Variants in LRP1 observed in about 807,000 individuals in gnomAD.
The protein encoded by LRP1 is LDL receptor related protein 1.
In LRP1, 51 loss-of-function variants were observed where a neutral mutation model predicts 541.5. The observed-to-expected ratio is 0.09, with a 90% CI of 0.08 to 0.12. LRP1 has a LOEUF of 0.12. Ranked by LOEUF, LRP1 falls within the 10% of genes least tolerant of loss-of-function variation. LRP1 has a pLI of 1.00. For synonymous variants in LRP1, 2,219 were observed against 2,470.8 expected (o/e 0.90, Z 3.02); for missense variants, 3,878 against 6,376.2 (o/e 0.61, Z 13.34).
At chr12:57,129,941 C>T (rs944963318) in intron 1 of LRP1, among the ~76,000 whole-genome samples, 2 of 152,100 alleles carry the variant, frequency 1.3e-5, no homozygotes, top group Admixed American at 1.3e-4. Flanking sequence ...ATTCCCTGCA[C>T]CCCTCCAAGC....
chr12:57,211,025 C>G lies in LRP1; in HGVS notation c.12916+146C>G. ...ATGCAGCTGAGCCAGGCCCAAGCTGCTGGCGCTTCCCCACAAAGGTGCTGG... is the reference window on the plus strand; with the variant it reads ...ATGCAGCTGAGCCAGGCCCAAGCTGGTGGCGCTTCCCCACAAAGGTGCTGG... On this transcript the variant is annotated intron_variant, in intron 83 of 88. Coordinates refer to ENST00000243077, the MANE Select transcript of LRP1 (RefSeq NM_002332.3). This position sits in a 1 kb window ranked among gnomAD's most constrained non-coding sequence, Gnocchi z 4.3. 7.3e-7 allele frequency: 1 copy of G among 1,366,024 alleles called. No homozygotes were observed. The highest frequency in any genetic ancestry group is 1.4e-5 in the African/African-American group (1 of 69,712). The allele number at this position is 1,366,024 out of a possible 1,614,324, so 84.6% of individuals were successfully genotyped here.
At chr12:57,139,945 TA>T (rs1340653455) in intron 2 of LRP1, among the ~76,000 whole-genome samples, 1 of 152,184 alleles carries the variant, frequency 6.6e-6, no homozygotes, top group Admixed American at 6.5e-5. Context: ...ATCAGTTGTG[TA>T]AGCAGACTCC....
rs2136701890 is a variant in LRP1, at chr12:57,178,263, G to A, written c.4362-96G>A. The A allele has an allele frequency of 4.2e-6, 6 of 1,432,206 alleles. No homozygotes were observed. The South Asian group carries it at 6.6e-5, about 16-fold the overall frequency. 88.7% of individuals were successfully genotyped at this position (1,432,206 alleles called of 1,614,324 possible). On this transcript the variant is annotated intron_variant, in intron 26 of 88. Transcript: ENST00000243077. The surrounding 1 kb of genome is among the most constrained non-coding windows in gnomAD (Gnocchi z 5.8). ...AATGGTCCCATGCTCTTCGCTGGGAGGGCTGTGGCCAGGGCCCAGAGGGTG... is the reference window on the plus strand; with the variant it reads ...AATGGTCCCATGCTCTTCGCTGGGAAGGCTGTGGCCAGGGCCCAGAGGGTG...
chr12:57,156,951 T>C lies in LRP1; in HGVS notation c.1561+31T>C, dbSNP rs765663376. 8 of 1,536,398 alleles carry C rather than the reference T, an allele frequency of 5.2e-6. No individual in the cohort carries two copies. The highest frequency in any genetic ancestry group is 4.1e-5 in the African/African-American group (3 of 74,018). Reference sequence around the variant, plus strand: ...TGACAGGGAAGGGGGTGTGTGCCCATTGGGAGGCTGCGGGAGGGTTCCTCA... The same window carrying C: ...TGACAGGGAAGGGGGTGTGTGCCCACTGGGAGGCTGCGGGAGGGTTCCTCA... On this transcript the variant is annotated intron_variant, in intron 10 of 88. Transcript: ENST00000243077. This position sits in a 1 kb window ranked among gnomAD's most constrained non-coding sequence, Gnocchi z 5.2.
At chr12:57,195,499 G>C in intron 52 of LRP1, 100 bp downstream of exon 52, 1 of 1,572,362 alleles carries the variant, frequency 6.4e-7, no homozygotes, top group Non-Finnish European at 8.6e-7. Context: ...TGCCTCAGCG[G>C]GGTCCACTGG....
chr12:57,129,062 C>T lies in LRP1; in HGVS notation c.67+31C>T. On this transcript the variant is annotated intron_variant, in intron 1 of 88. Transcript: ENST00000243077. The stretch of plus-strand genomic sequence containing the variant: ...TGAGATTCCGCGTCCCCCTTGGACC[C>T]CTGGGGGCACCCTCTCCCCAGCCCC... 1.9e-6 allele frequency: 3 copies of T among 1,549,368 alleles called. No homozygotes were observed. In the South Asian group the frequency reaches 3.6e-5, roughly 18 times the overall value.
At chr12:57,195,216 C>T in intron 51 of LRP1, 55 bp from the exon 52 acceptor site, 1 of 1,604,082 alleles carries the variant, frequency 6.2e-7, no homozygotes, top group Admixed American at 1.7e-5. Flanking sequence ...ACCTCCACTG[C>T]TAGACCTGAT....
intron 70 of LRP1, 159 bp downstream of exon 70, chr12:57,203,680 GGACGTAGTAGTAAACAA>G: frequency 1.0e-6 from 1 of 962,032 alleles, no homozygotes; most frequent in Non-Finnish European, 1.5e-6. Flanking sequence ...TAGGTGTTAG[GGACGTAGTAGTAAACAA>G]GACACAGGGC....
chr12:57,193,838 GT>G, intron 47 of LRP1, 60 bp from the exon 48 acceptor site: 1 of 1,592,154 alleles, frequency 6.3e-7, no homozygotes, highest in Non-Finnish European at 8.6e-7. Flanking sequence ...TCTGTCCTGC[GT>G]CCTTCTGGCC....
At chr12:57,207,161 T>C (rs2036797910) in intron 76 of LRP1, among the ~76,000 whole-genome samples, 1 of 151,474 alleles carries the variant, frequency 6.6e-6, no homozygotes, top group Non-Finnish European at 1.5e-5. Context: ...GAGAATGGCA[T>C]GAACCCGGGA....
At position 57,165,883 on chromosome 12, in the gene LRP1, G is replaced by A. The variant is rs1168040260; in HGVS notation, c.2609G>A (p.Arg870His). 1.2e-6 allele frequency: 2 copies of A among 1,614,066 alleles called. No individual in the cohort carries two copies. The highest frequency in any genetic ancestry group is 8.5e-7 in the Non-Finnish European group (1 of 1,180,044). The change falls in exon 16 of 89, where the codon CGC becomes CAC. Residue 870 changes from arginine (R) to histidine (H), a missense_variant. Coordinates refer to ENST00000243077, the MANE Select transcript of LRP1 (RefSeq NM_002332.3). This position sits in a 1 kb window ranked among gnomAD's most constrained non-coding sequence, Gnocchi z 4.5. ...ACANSRCIQE[R>H]WKCDGDNDCL... The stretch of plus-strand genomic sequence containing the variant: ...GCCAACAGCCGCTGCATCCAGGAGC[G>A]CTGGAAGTGTGACGGAGACAACGAT...
chr12:57,195,250 T>C, intron 51 of LRP1, 21 bp from the exon 52 acceptor site: 1 of 1,611,266 alleles, frequency 6.2e-7, no homozygotes, highest in Non-Finnish European at 8.5e-7. Context: ...AGTCTCTCAG[T>C]GGCCCTCTCT....
intron 4 of LRP1, among the ~76,000 whole-genome samples, chr12:57,144,205 T>C (rs2035352299): frequency 6.6e-6 from 1 of 152,204 alleles, no homozygotes. Context: ...TAATTGGAAG[T>C]ACTGCTCAAG....
chr12:57,179,997 G>A lies in LRP1; in HGVS notation c.5141+41G>A, dbSNP rs1156395677. 3.1e-6 allele frequency: 5 copies of A among 1,613,738 alleles called. No homozygotes were observed. In the African/African-American group the frequency reaches 5.3e-5, roughly 17 times the overall value. On this transcript the variant is annotated intron_variant, in intron 30 of 88. Transcript: ENST00000243077. The surrounding 1 kb of genome is among the most constrained non-coding windows in gnomAD (Gnocchi z 6.8). Reference sequence around the variant, plus strand: ...AGGGCCGGGGAGCATGGGGTGTGGGGCTGGGAAGAAGAGGACCCTGACCTT... The same window carrying A: ...AGGGCCGGGGAGCATGGGGTGTGGGACTGGGAAGAAGAGGACCCTGACCTT...
intron 45 of LRP1, 86 bp downstream of exon 45, chr12:57,193,056 G>GC: frequency 2.5e-6 from 4 of 1,583,090 alleles, no homozygotes; most frequent in Non-Finnish European, 1.7e-6. Context: ...CTCCAGCCCA[G>GC]CCCCCCAAAG....
Position 57,205,414 on chromosome 12 carries a change from G to T in LRP1, c.11399G>T (p.Arg3800Leu). The T allele has an allele frequency of 3.1e-6, 5 of 1,608,752 alleles. No individual in the cohort carries two copies. The highest frequency in any genetic ancestry group is 4.2e-6 in the Non-Finnish European group (5 of 1,179,618). ...SICGDEARCV[R>L]TEKAAYCACR... ...TGTGGGGACGAGGCACGCTGCGTGC[G>T]CACCGAGAAAGCGGCCTACTGTGCC... Residue 3800 changes from arginine (R) to leucine (L), a missense_variant, in exon 74 of 89, where the codon CGC becomes CTC. Arg to Leu is a moderately radical substitution (Grantham distance 102). This residue lies in a region of LRP1 where 871 missense variants were observed against 1,212.4 expected (regional missense o/e 0.72). Transcript: ENST00000243077. This position sits in a 1 kb window ranked among gnomAD's most constrained non-coding sequence, Gnocchi z 4.6.
At chr12:57,202,325 C>T (rs976336942) in intron 67 of LRP1, 96 bp from the exon 68 acceptor site, 3 of 986,800 alleles carry the variant, frequency 3.0e-6, no homozygotes, top group Non-Finnish European at 4.9e-6. Context: ...GCTGGGATGC[C>T]CACCCTCCCT....
intron 4 of LRP1, chr12:57,144,557 C>A (rs1252230658): frequency 1.1e-5 from 2 of 180,816 alleles, no homozygotes; most frequent in Non-Finnish European, 2.4e-5. Context: ...CATTCTCTAT[C>A]CCTGTTCTCT....
chr12:57,201,827 C>T lies in LRP1; in HGVS notation c.10516C>T (p.Arg3506Cys). The T allele has an allele frequency of 6.2e-7, 1 of 1,614,022 alleles. No individual in the cohort carries two copies. Among genetic ancestry groups the T allele is most frequent in the Non-Finnish European group, 8.5e-7 (1 of 1,179,978 alleles). The change falls in exon 67 of 89, where the codon CGC (arginine) becomes TGC (cysteine). Residue 3506 changes from arginine to cysteine, a missense_variant. This residue lies in a region of LRP1 where 278 missense variants were observed against 536.3 expected (regional missense o/e 0.52). Coordinates refer to ENST00000243077, the MANE Select transcript of LRP1 (RefSeq NM_002332.3). This position sits in a 1 kb window ranked among gnomAD's most constrained non-coding sequence, Gnocchi z 6.4. Reference protein sequence around the residue: ...VDEFRCKDSGRCIPARWKCDG... With the variant: ...VDEFRCKDSGCCIPARWKCDG... Reference sequence around the variant, plus strand: ...CGAGTTCCGCTGCAAGGATTCGGGCCGCTGCATCCCAGCGCGTTGGAAGTG... The same window carrying T: ...CGAGTTCCGCTGCAAGGATTCGGGCTGCTGCATCCCAGCGCGTTGGAAGTG...
Sources: allele counts gnomAD v4.1 joint callset (sites outside exome capture counted in the v4.1 genomes callset), GRCh38; gene constraint gnomAD v4.1.1; regional missense constraint gnomAD v4.1.1; non-coding constraint Gnocchi (gnomAD v3.1); transcripts MANE v1.5; gene names NCBI Gene and HGNC (gene_info 2026-07-23, HGNC 2026-07-21).